Variants in WDPCP observed in about 807,000 individuals in gnomAD.
WDPCP encodes WD repeat containing planar cell polarity effector, also known as WD repeat-containing and planar cell polarity effector protein fritz homolog.
A neutral mutation model predicts 93.1 loss-of-function variants in WDPCP; 71 were observed. The observed-to-expected ratio is 0.76, with a 90% CI of 0.63 to 0.93. The LOEUF is 0.93. Among genes scored for constraint, WDPCP ranks in the 40% least tolerant of loss-of-function variants. The pLI, the probability that WDPCP is intolerant of heterozygous loss-of-function variation, is 0.00. For synonymous variants in WDPCP, 315 were observed against 315.0 expected (o/e 1.00, Z 0.00); for missense variants, 844 against 887.4 (o/e 0.95, Z 0.62).
intron 14 of WDPCP, among the ~76,000 whole-genome samples, chr2:63,181,040 A>G (rs1046876465): frequency 2.0e-5 from 3 of 151,882 alleles, no homozygotes; most frequent in African/African-American, 7.2e-5. Context: ...AGGATGAGAA[A>G]ATATTTATGT....
intron 14 of WDPCP, among the ~76,000 whole-genome samples, chr2:63,175,329 G>A (rs1337072481): frequency 6.6e-6 from 1 of 151,960 alleles, no homozygotes; most frequent in Admixed American, 6.6e-5. Flanking sequence ...TGGCAACTTT[G>A]ACAGGGCATT....
chr2:63,124,442 C>T (rs1669756813), intron 17 of WDPCP, among the ~76,000 whole-genome samples: 1 of 152,094 alleles, frequency 6.6e-6, no homozygotes, highest in Non-Finnish European at 1.5e-5. Flanking sequence ...ATTTTCTGAG[C>T]CACACCCTTT....
intron 6 of WDPCP, among the ~76,000 whole-genome samples, chr2:63,471,583 TC>T (rs1199788101): frequency 6.6e-6 from 1 of 152,216 alleles, no homozygotes; most frequent in Non-Finnish European, 1.5e-5. Flanking sequence ...CTTATTGACT[TC>T]CCATTACCAT....
At chr2:63,465,498 G>A (rs1213569843) in intron 6 of WDPCP, among the ~76,000 whole-genome samples, 1 of 152,072 alleles carries the variant, frequency 6.6e-6, no homozygotes, top group African/African-American at 2.4e-5. Context: ...TACCATTTGT[G>A]TCTCTCTAAT....
intron 2 of WDPCP, among the ~76,000 whole-genome samples, chr2:63,738,393 T>TTTTTTTTTTTTTTTTTTTTTTTTTTTTA: frequency 6.6e-6 from 1 of 151,250 alleles, no homozygotes; most frequent in South Asian, 2.1e-4. Flanking sequence ...GGGCTACTAT[T>TTTTTTTTTTTTTTTTTTTTTTTTTTTTA]GACATTTGCT....
chr2:63,127,994 C>T (rs1417250766), intron 17 of WDPCP, among the ~76,000 whole-genome samples: 5 of 151,864 alleles, frequency 3.3e-5, no homozygotes, highest in African/African-American at 9.7e-5. Context: ...AACAAATTAG[C>T]CGGGTGTGGT....
chr2:63,393,587 G>T (rs893137078), intron 10 of WDPCP, among the ~76,000 whole-genome samples: 2 of 151,710 alleles, frequency 1.3e-5, no homozygotes, highest in Admixed American at 1.3e-4. Flanking sequence ...AAATTCATAT[G>T]GAACCAAAAA....
chr2:63,315,063 T>C (rs78031595), intron 12 of WDPCP, among the ~76,000 whole-genome samples: 12,747 of 152,168 alleles, frequency 0.084, 770 homozygotes, highest in Non-Finnish European at 0.13. Context: ...AACTAGCTTG[T>C]TTATAAAATA....
intron 2 of WDPCP, among the ~76,000 whole-genome samples, chr2:63,792,086 A>G (rs1377718800): frequency 2.4e-4 from 37 of 152,190 alleles, no homozygotes. Flanking sequence ...AAGAATCAGT[A>G]AATAGACATC....
chr2:63,375,234 C>T (rs1427792708), intron 12 of WDPCP, among the ~76,000 whole-genome samples: 5 of 151,906 alleles, frequency 3.3e-5, no homozygotes, highest in African/African-American at 1.2e-4. Context: ...TGATGAAAAG[C>T]TCTCATTTGC....
chr2:63,473,134 T>C (rs1699785604), intron 6 of WDPCP, among the ~76,000 whole-genome samples: 1 of 152,322 alleles, frequency 6.6e-6, no homozygotes, highest in Non-Finnish European at 1.5e-5. Flanking sequence ...AGCCTCATTG[T>C]AAGGAGGTTA....
intron 2 of WDPCP, 84 bp from the exon 3 acceptor site, chr2:63,487,578 G>A: frequency 3.0e-6 from 3 of 1,000,672 alleles, no homozygotes; most frequent in Non-Finnish European, 4.6e-6. Context: ...TTAGGGGAAG[G>A]ATAGGGAGAA....
chr2:63,223,033 C>T (rs1193737599), intron 14 of WDPCP, among the ~76,000 whole-genome samples: 2 of 151,846 alleles, frequency 1.3e-5, no homozygotes, highest in Admixed American at 6.6e-5. Flanking sequence ...TTATCTATAA[C>T]CAGATAAGAT....
intron 14 of WDPCP, among the ~76,000 whole-genome samples, chr2:63,219,760 G>T (rs1476635005): frequency 2.0e-5 from 3 of 152,150 alleles, no homozygotes; most frequent in Non-Finnish European, 4.4e-5. Flanking sequence ...CAGCATTTTG[G>T]GAGGCTGAGG....
intron 1 of WDPCP, among the ~76,000 whole-genome samples, chr2:63,570,200 A>C (rs940235513): frequency 6.6e-6 from 1 of 152,256 alleles, no homozygotes; most frequent in Non-Finnish European, 1.5e-5. Context: ...ACACCCGTGT[A>C]AACAATATAT....
intron 3 of WDPCP, chr2:63,595,475 G>A (rs1422312339): frequency 1.9e-6 from 3 of 1,613,618 alleles, no homozygotes; most frequent in Non-Finnish European, 2.5e-6. Flanking sequence ...GTCCTGGACG[G>A]TGTCCTAATG....
chr2:63,208,468 GTGTGCTCAATT>G (rs1382236749), intron 14 of WDPCP, among the ~76,000 whole-genome samples: 1 of 151,954 alleles, frequency 6.6e-6, no homozygotes, highest in East Asian at 1.9e-4. Context: ...ATTGTGCCTG[GTGTGCTCAATT>G]TGGGCTCTAC....
chr2:63,450,520 A>G (rs1698167359), intron 6 of WDPCP, among the ~76,000 whole-genome samples: 1 of 152,106 alleles, frequency 6.6e-6, no homozygotes, highest in African/African-American at 2.4e-5. Context: ...TAAACAAACC[A>G]TCTGAAGGTC....
intron 2 of WDPCP, among the ~76,000 whole-genome samples, chr2:63,768,183 T>C (rs897692631): frequency 6.6e-6 from 1 of 152,096 alleles, no homozygotes; most frequent in Non-Finnish European, 1.5e-5. Flanking sequence ...ATGACTATGC[T>C]TTTTTCCTGA....
Sources: allele counts gnomAD v4.1 joint callset (sites outside exome capture counted in the v4.1 genomes callset), GRCh38; gene constraint gnomAD v4.1.1; transcripts MANE v1.5; gene names NCBI Gene and HGNC (gene_info 2026-07-23, HGNC 2026-07-21).